MAML3: variants seen among roughly 807,000 people sequenced by gnomAD.
MAML3 encodes mastermind-like protein 3.
MAML3 carries 27 observed loss-of-function variants against 101.9 expected under a neutral mutation model. The ratio of observed to expected loss-of-function variants is 0.27; its 90% CI spans 0.20 to 0.37. The LOEUF (loss-of-function observed/expected upper bound fraction) is 0.37, where lower values mean the gene tolerates loss of function less well. Among genes scored for constraint, MAML3 ranks in the 10% least tolerant of loss-of-function variants. The pLI, the probability that MAML3 is intolerant of heterozygous loss-of-function variation, is 1.00. For missense variants in MAML3, 1,316 were observed against 1,444.9 expected (o/e 0.91, Z 1.45); for synonymous variants, 501 against 555.9 (o/e 0.90, Z 1.39).
At position 139,944,838 on chromosome 4, in the gene MAML3, T is replaced by G. The variant is rs1306851448; in HGVS notation, c.469-53871A>C. Reference sequence around the variant, plus strand: ...GGATGTGGAGAAATAGGAACACTTTTACACTGTTGGTGGGACTGTAAACTA... The same window carrying G: ...GGATGTGGAGAAATAGGAACACTTTGACACTGTTGGTGGGACTGTAAACTA... On this transcript the variant is annotated intron_variant, in intron 1 of 4. Transcript: ENST00000509479. 2.0e-5 allele frequency among the ~76,000 whole-genome samples: 3 copies of G among 146,500 alleles called. No homozygotes were observed. In the East Asian group the frequency reaches 5.9e-4, roughly 29 times the overall value.
At position 139,941,524 on chromosome 4, in the gene MAML3, G is replaced by GTGT. The variant is rs141468630; in HGVS notation, c.469-50560_469-50558dup. Among the ~76,000 whole-genome samples the GTGT allele has an allele frequency of 2.0e-4, 30 of 150,668 alleles. 1 individual carries two copies. In the South Asian group the frequency reaches 2.7e-3, roughly 14 times the overall value. ...AGGATACCAAGTTAATAACCCTAAT[G>GTGT]TGTTGTTGTTGTTGTTGTTGGTGGT... is the stretch of plus-strand genomic sequence containing the variant. On this transcript the variant is annotated intron_variant, in intron 1 of 4. Coordinates refer to ENST00000509479, the MANE Select transcript of MAML3 (RefSeq NM_018717.5).
intron 2 of MAML3, among the ~76,000 whole-genome samples, chr4:139,741,840 A>G (rs571072149): frequency 1.3e-5 from 2 of 152,344 alleles, no homozygotes; most frequent in African/African-American, 4.8e-5. Flanking sequence ...TGTGCACGGT[A>G]TAATTGCCCT....
intron 1 of MAML3, among the ~76,000 whole-genome samples, chr4:139,906,525 C>G (rs1406163848): frequency 6.6e-6 from 1 of 152,156 alleles, no homozygotes; most frequent in Non-Finnish European, 1.5e-5. Context: ...GAGACCAGGG[C>G]CATAATGTAA....
chr4:139,740,726 C>G (rs1729138429), intron 2 of MAML3: 1 of 152,296 alleles, frequency 6.6e-6, no homozygotes, highest in Non-Finnish European at 1.5e-5. Context: ...CCAAATGGAG[C>G]TCTCTGCTGC....
chr4:139,866,317 C>T (rs1484121140), intron 2 of MAML3, among the ~76,000 whole-genome samples: 1 of 152,208 alleles, frequency 6.6e-6, no homozygotes, highest in African/African-American at 2.4e-5. Context: ...TCTCTCCTCA[C>T]CCAGCGATTT....
chr4:140,153,401 A>G lies in MAML3; in HGVS notation c.-74T>C. 7.0e-7 allele frequency: 1 copy of G among 1,433,928 alleles called. No homozygotes were observed. The highest frequency in any genetic ancestry group is 9.2e-7 in the Non-Finnish European group (1 of 1,091,466). The allele number at this position is 1,433,928 out of a possible 1,614,324, so 88.8% of individuals were successfully genotyped here. On this transcript the variant is annotated 5_prime_UTR_variant, in exon 1 of 5. Coordinates refer to ENST00000509479, the MANE Select transcript of MAML3 (RefSeq NM_018717.5). The stretch of plus-strand genomic sequence containing the variant: ...CCTATCAGCCTCCTCCTTGGGTCCA[A>G]GGATTAAAATAGTTTAAGTGGAACG...
intron 2 of MAML3, among the ~76,000 whole-genome samples, chr4:139,796,850 A>T (rs886535817): frequency 9.2e-5 from 14 of 152,216 alleles, no homozygotes; most frequent in African/African-American, 2.7e-4. Context: ...GCAAGAATGA[A>T]TGAATGAATG....
At chr4:140,099,017 A>C (rs1728210818) in intron 1 of MAML3, among the ~76,000 whole-genome samples, 1 of 152,186 alleles carries the variant, frequency 6.6e-6, no homozygotes, top group Admixed American at 6.5e-5. Context: ...ATGTGGTACA[A>C]TAGGCTCTTT....
chr4:139,788,833 C>A (rs1730353825), intron 2 of MAML3, among the ~76,000 whole-genome samples: 2 of 152,200 alleles, frequency 1.3e-5, no homozygotes, highest in African/African-American at 4.8e-5. Context: ...ATGAGGGTCA[C>A]AACCTAGGGA....
chr4:139,921,332 CTT>C (rs1248131668), intron 1 of MAML3, among the ~76,000 whole-genome samples: 1 of 152,206 alleles, frequency 6.6e-6, no homozygotes, highest in East Asian at 1.9e-4. Context: ...AATCTGGTCA[CTT>C]TGTTATTTAC....
chr4:140,038,963 CA>C (rs1238064452), intron 1 of MAML3, among the ~76,000 whole-genome samples: 1 of 151,742 alleles, frequency 6.6e-6, no homozygotes, highest in East Asian at 1.9e-4. Flanking sequence ...ACTAAAAATA[CA>C]AAAAATTAGC....
At chr4:139,996,310 G>A (rs528344439) in intron 1 of MAML3, among the ~76,000 whole-genome samples, 1 of 152,326 alleles carries the variant, frequency 6.6e-6, no homozygotes, top group East Asian at 1.9e-4. Context: ...TTGGTGATTA[G>A]AGAAAGCCCT....
intron 1 of MAML3, among the ~76,000 whole-genome samples, chr4:140,079,600 C>G (rs1727832714): frequency 6.6e-6 from 1 of 152,058 alleles, no homozygotes; most frequent in Non-Finnish European, 1.5e-5. Context: ...GGCCATAGTT[C>G]TACATATTTA....
At chr4:139,765,800 T>C (rs541450580) in intron 2 of MAML3, among the ~76,000 whole-genome samples, 12 of 152,108 alleles carry the variant, frequency 7.9e-5, no homozygotes, top group Non-Finnish European at 1.2e-4. Context: ...CTGGGCAACA[T>C]AGCAAGATTT....
At chr4:140,019,131 A>G (rs2110873236) in intron 1 of MAML3, among the ~76,000 whole-genome samples, 1 of 150,070 alleles carries the variant, frequency 6.7e-6, no homozygotes. Context: ...ACACTGAACT[A>G]CTTTCAGTTC....
intron 1 of MAML3, among the ~76,000 whole-genome samples, chr4:140,021,812 T>A (rs548292860): frequency 6.6e-6 from 1 of 152,262 alleles, no homozygotes; most frequent in East Asian, 1.9e-4. Context: ...TTGGCTTAAG[T>A]CCTGTCCTGA....
At chr4:140,121,847 C>G (rs375888999) in intron 1 of MAML3, among the ~76,000 whole-genome samples, 126 of 152,294 alleles carry the variant, frequency 8.3e-4, no homozygotes, top group African/African-American at 2.8e-3. Flanking sequence ...TTCCCATGAT[C>G]CCCACGTGTC....
chr4:139,812,506 C>A (rs1020697612), intron 2 of MAML3, among the ~76,000 whole-genome samples: 1 of 152,178 alleles, frequency 6.6e-6, no homozygotes, highest in East Asian at 1.9e-4. Context: ...GGACACAAAG[C>A]GCAGTTGAAG....
chr4:139,844,249 A>G (rs1731405484), intron 2 of MAML3, among the ~76,000 whole-genome samples: 1 of 152,222 alleles, frequency 6.6e-6, no homozygotes. Context: ...CATCAGAGAC[A>G]ACATCTTATG....
Sources: gnomAD v4.1 joint callset for allele counts (sites outside exome capture counted in the v4.1 genomes callset) on GRCh38, gnomAD v4.1.1 for gene constraint, MANE v1.5 for transcripts, NCBI Gene and HGNC (gene_info 2026-07-23, HGNC 2026-07-21) for gene names.